The following ANGPTL5 variants were observed in gnomAD, a reference collection of about 807,000 sequenced individuals.
The protein encoded by ANGPTL5 is angiopoietin like 5, also known as angiopoietin-related protein 5.
A neutral mutation model predicts 39.4 loss-of-function variants in ANGPTL5; 34 were observed. The ratio of observed to expected loss-of-function variants is 0.86; its 90% CI spans 0.66 to 1.15. The LOEUF (loss-of-function observed/expected upper bound fraction) is 1.15. Among genes scored for constraint, ANGPTL5 ranks in the 50% most tolerant of loss-of-function variants. ANGPTL5 has a pLI of 0.00. For missense variants in ANGPTL5, 467 were observed against 457.5 expected (o/e 1.02, Z -0.19); for synonymous variants, 146 against 152.1 (o/e 0.96, Z 0.29).
Position 101,907,821 on chromosome 11 carries a change from T to C in ANGPTL5, c.89A>G (p.His30Arg). 5.0e-6 allele frequency: 8 copies of C among 1,588,648 alleles called. No homozygotes were observed. Among genetic ancestry groups the C allele is most frequent in the Non-Finnish European group, 6.0e-6 (7 of 1,157,258 alleles). The change falls in exon 2 of 9, where the codon CAT (histidine) becomes CGT (arginine). Residue 30 changes from histidine (H) to arginine (R), a missense_variant. Coordinates refer to ENST00000334289, the MANE Select transcript of ANGPTL5 (RefSeq NM_178127.5). ...TATTGCTAAAATTCTTACCGTAGAA[T>C]GATGTACACAGTTACCTTGTACAGC... Reference protein sequence around the residue: ...GEAVQGNCVHHSTDSSVVNIV... With the variant: ...GEAVQGNCVHRSTDSSVVNIV...
At chr11:101,900,945 G>C (rs1009980815) in intron 6 of ANGPTL5, among the ~76,000 whole-genome samples, 2 of 150,660 alleles carry the variant, frequency 1.3e-5, no homozygotes, top group African/African-American at 4.9e-5. Context: ...TCCGCCTCCC[G>C]GGTTCACGCC....
intron 3 of ANGPTL5, among the ~76,000 whole-genome samples, chr11:101,906,629 A>G (rs1234792851): frequency 6.6e-6 from 1 of 152,148 alleles, no homozygotes; most frequent in African/African-American, 2.4e-5. Flanking sequence ...CAAGATAGTA[A>G]TAATGTTGCC....
At chr11:101,901,495 T>A (rs958233486) in intron 6 of ANGPTL5, among the ~76,000 whole-genome samples, 1 of 152,104 alleles carries the variant, frequency 6.6e-6, no homozygotes, top group Non-Finnish European at 1.5e-5. Flanking sequence ...AAAGGACCTC[T>A]GTAGGGCACC....
At chr11:101,903,131 T>G (rs1234874152) in intron 5 of ANGPTL5, among the ~76,000 whole-genome samples, 3 of 152,150 alleles carry the variant, frequency 2.0e-5, no homozygotes, top group African/African-American at 7.2e-5. Flanking sequence ...ATAAGTAGAT[T>G]AACCACTACA....
intron 6 of ANGPTL5, 53 bp from the exon 7 acceptor site, chr11:101,900,603 G>T: frequency 6.4e-7 from 1 of 1,572,758 alleles, no homozygotes; most frequent in South Asian, 1.1e-5. Context: ...TTCATTATTT[G>T]ATAATATAAC....
At chr11:101,907,050 C>T (rs1316317241) in intron 3 of ANGPTL5, 53 bp downstream of exon 3, 8 of 1,364,654 alleles carry the variant, frequency 5.9e-6, no homozygotes, top group Admixed American at 2.0e-5. Flanking sequence ...AGTGTCTACC[C>T]TAAAAATAAT....
rs746339040 is a variant in ANGPTL5, at chr11:101,907,244, A to G, written c.100T>C (p.Ser34Pro). 4.1e-6 allele frequency: 6 copies of G among 1,467,632 alleles called. No individual in the cohort carries two copies. Among genetic ancestry groups the G allele is most frequent in the Non-Finnish European group, 5.6e-6 (6 of 1,070,986 alleles). The allele number at this position is 1,467,632 out of a possible 1,614,324, so 90.9% of individuals were successfully genotyped here. A position where few individuals can be genotyped will look rare whatever the true frequency, so the allele number is the denominator to read the frequency against. Residue 34 changes from serine to proline, a missense_variant, in exon 3 of 9, where the codon TCT becomes CCT. Ser to Pro is a moderately conservative substitution (Grantham distance 74). Coordinates refer to ENST00000334289, the MANE Select transcript of ANGPTL5 (RefSeq NM_178127.5). Reference sequence around the variant, plus strand: ...TCTTCTACAATGTTAACTACTGAAGAGTCCTTTATATTAAAAAATAGAAAT... The same window carrying G: ...TCTTCTACAATGTTAACTACTGAAGGGTCCTTTATATTAAAAAATAGAAAT... ...QGNCVHHSTD[S>P]SVVNIVEDGS...
intron 5 of ANGPTL5, 137 bp from the exon 6 acceptor site, chr11:101,902,858 GT>G: frequency 1.7e-6 from 1 of 583,942 alleles, no homozygotes; most frequent in Non-Finnish European, 2.9e-6. Flanking sequence ...ATGAAAAATG[GT>G]CACAATTTTA....
chr11:101,913,799 C>T (rs2137069700), intron 1 of ANGPTL5, among the ~76,000 whole-genome samples: 1 of 152,304 alleles, frequency 6.6e-6, no homozygotes, highest in Middle Eastern at 3.4e-3. Context: ...ACTCAGATCA[C>T]CCATGGGGAG....
intron 1 of ANGPTL5, chr11:101,915,094 G>C (rs1940170223): frequency 2.6e-6 from 2 of 774,108 alleles, no homozygotes; most frequent in East Asian, 5.9e-5. Flanking sequence ...CGCTGCCTCA[G>C]CTGCCATCGC....
intron 7 of ANGPTL5, among the ~76,000 whole-genome samples, chr11:101,896,799 A>G (rs994414372): frequency 6.6e-6 from 1 of 152,206 alleles, no homozygotes; most frequent in African/African-American, 2.4e-5. Flanking sequence ...TGTTGTGAAT[A>G]GTGCTGCAAT....
At chr11:101,897,365 T>A (rs558798445) in intron 7 of ANGPTL5, among the ~76,000 whole-genome samples, 1 of 152,354 alleles carries the variant, frequency 6.6e-6, no homozygotes, top group East Asian at 1.9e-4. Context: ...TTTAATCAGA[T>A]CCCATTTGTC....
Position 101,905,797 on chromosome 11 carries a change from G to C in ANGPTL5, c.292C>G (p.Leu98Val), listed in dbSNP as rs1307289947. The change falls in exon 4 of 9, where the codon CTA becomes GTA. Residue 98 changes from leucine to valine, a missense_variant. By Grantham distance (32) the Leu-to-Val change is conservative. Transcript: ENST00000334289. ...VSYTRSTKKL[L>V]RNMMDEQQAS... ...TGTTGCTCATCCATCATATTCCTTA[G>C]TAGTTTTTTGGTACTTCTTGTGTAG... 20 of 1,612,144 alleles carry C rather than the reference G, an allele frequency of 1.2e-5. No homozygotes were observed. Among genetic ancestry groups the C allele is most frequent in the Admixed American group, 1.7e-5 (1 of 59,960 alleles).
intron 6 of ANGPTL5, among the ~76,000 whole-genome samples, chr11:101,900,814 T>C (rs1312168564): frequency 6.6e-6 from 1 of 152,138 alleles, no homozygotes; most frequent in Non-Finnish European, 1.5e-5. Context: ...ACAGTCCTTA[T>C]AACAATCATT....
intron 7 of ANGPTL5, among the ~76,000 whole-genome samples, chr11:101,896,821 TA>T (rs1185648894): frequency 6.6e-6 from 1 of 152,236 alleles, no homozygotes; most frequent in African/African-American, 2.4e-5. Flanking sequence ...CACGTACATG[TA>T]CATGTGTCTT....
At chr11:101,900,873 A>G (rs949608624) in intron 6 of ANGPTL5, among the ~76,000 whole-genome samples, 17 of 151,356 alleles carry the variant, frequency 1.1e-4, no homozygotes, top group Middle Eastern at 6.8e-3. Flanking sequence ...TTTTTTTGAG[A>G]CAGAATCTCC....
Position 101,902,738 on chromosome 11 carries a change from A to C in ANGPTL5, c.440-17T>G. ...AATCTAAACCTAGAAAAGCAAAATT[A>C]TTTAATTGGGATATTTTCAAATGTA... is the stretch of plus-strand genomic sequence containing the variant. On this transcript the variant is annotated splice_polypyrimidine_tract_variant and intron_variant, in intron 5 of 8. Coordinates refer to ENST00000334289, the MANE Select transcript of ANGPTL5 (RefSeq NM_178127.5). 1 of 1,484,094 alleles carries C rather than the reference A, an allele frequency of 6.7e-7. No individual in the cohort carries two copies. Among genetic ancestry groups the C allele is most frequent in the Non-Finnish European group, 9.4e-7 (1 of 1,064,330 alleles). 91.9% of individuals were successfully genotyped at this position (1,484,094 alleles called of 1,614,324 possible). A position where few individuals can be genotyped will look rare whatever the true frequency, so the allele number is the denominator to read the frequency against.
At chr11:101,896,207 G>T (rs1002444649) in intron 7 of ANGPTL5, among the ~76,000 whole-genome samples, 2 of 146,344 alleles carry the variant, frequency 1.4e-5, no homozygotes, top group South Asian at 2.2e-4. Flanking sequence ...TATTTATTGA[G>T]AGTCTAACTC....
chr11:101,908,641 G>A (rs549312270), intron 1 of ANGPTL5, among the ~76,000 whole-genome samples: 5 of 151,956 alleles, frequency 3.3e-5, no homozygotes, highest in Admixed American at 1.3e-4. Context: ...TTAGCCGGGC[G>A]TTGTAGCAGG....
Sources: gnomAD v4.1 joint callset for allele counts (sites outside exome capture counted in the v4.1 genomes callset) on GRCh38, gnomAD v4.1.1 for gene constraint, MANE v1.5 for transcripts, NCBI Gene and HGNC (gene_info 2026-07-23, HGNC 2026-07-21) for gene names.